The following SIRT2 variants were observed in gnomAD, a reference collection of about 807,000 sequenced individuals.
SIRT2 encodes the protein sirtuin 2.
A neutral mutation model predicts 57.4 loss-of-function variants in SIRT2; 40 were observed. The observed-to-expected ratio is 0.70, with a 90% CI of 0.54 to 0.91. The LOEUF (loss-of-function observed/expected upper bound fraction) is 0.91, where lower values mean the gene tolerates loss of function less well. SIRT2 is among the 40% of genes least tolerant of loss of function. The probability of loss-of-function intolerance (pLI) is 0.00; values close to 1 mark genes in which losing one functional copy is unlikely to be tolerated. For missense variants in SIRT2, 439 were observed against 510.4 expected (o/e 0.86, Z 1.35); for synonymous variants, 161 against 195.7 (o/e 0.82, Z 1.48).
At chr19:38,895,147 C>G (rs893473707) in intron 2 of SIRT2, among the ~76,000 whole-genome samples, 2 of 151,946 alleles carry the variant, frequency 1.3e-5, no homozygotes, top group African/African-American at 4.8e-5. Flanking sequence ...TCCACCAACC[C>G]CCTTTCCCTC....
chr19:38,882,142 G>T (rs535249842), intron 9 of SIRT2, among the ~76,000 whole-genome samples: 3 of 151,726 alleles, frequency 2.0e-5, no homozygotes, highest in South Asian at 2.1e-4. Flanking sequence ...TTAGCCTCCC[G>T]AGTAGCTGGG....
rs1003028481 is a variant in SIRT2, at chr19:38,880,998, G to A, written c.748-101C>T. On this transcript the variant is annotated intron_variant, in intron 11 of 15. Coordinates refer to ENST00000249396, the MANE Select transcript of SIRT2 (RefSeq NM_012237.4). This position sits in a 1 kb window ranked among gnomAD's most constrained non-coding sequence, Gnocchi z 4.1. Reference sequence around the variant, plus strand: ...ACCTCCCTGCCGCCCCCCATAGCTGGGGAGGTGACCTTTCCTGAGGCAGGG... The same window carrying A: ...ACCTCCCTGCCGCCCCCCATAGCTGAGGAGGTGACCTTTCCTGAGGCAGGG... 7 of 1,543,868 alleles carry A rather than the reference G, an allele frequency of 4.5e-6. No individual in the cohort carries two copies. In the African/African-American group the frequency reaches 8.2e-5, roughly 18 times the overall value.
At chr19:38,899,317 T>C (rs1973848053) in intron 1 of SIRT2, among the ~76,000 whole-genome samples, 189 bp downstream of exon 1, 1 of 152,128 alleles carries the variant, frequency 6.6e-6, no homozygotes, top group Non-Finnish European at 1.5e-5. Context: ...AAACGAACCC[T>C]GAACACACTG....
chr19:38,887,197 T>C (rs965186686), intron 8 of SIRT2, among the ~76,000 whole-genome samples: 2 of 152,194 alleles, frequency 1.3e-5, no homozygotes, highest in Non-Finnish European at 2.9e-5. Flanking sequence ...CTTAACTGTG[T>C]TCCAGGGACC....
rs74466015 is a variant in SIRT2 at position 38,885,962 on chromosome 19, T to A, written c.502-2206A>T. Among the ~76,000 whole-genome samples the A allele has an allele frequency of 2.2e-3, 330 of 152,266 alleles. 1 individual carries two copies. Among genetic ancestry groups the A allele is most frequent in the African/African-American group, 7.6e-3 (317 of 41,544 alleles). On this transcript the variant is annotated intron_variant, in intron 8 of 15. Coordinates refer to ENST00000249396, the MANE Select transcript of SIRT2 (RefSeq NM_012237.4). ...ATGTTCTTTTCTGCACAGACATTTGTGCGCGCTCATTTTTCTTAAAACAAC... is the reference window on the plus strand; with the variant it reads ...ATGTTCTTTTCTGCACAGACATTTGAGCGCGCTCATTTTTCTTAAAACAAC...
Position 38,881,436 on chromosome 19 carries a change from CT to C in SIRT2, c.686del (p.Lys229SerfsTer24). ...GGTCCCTGGCCAGAGGCTCACCAGG[CT>C]TCACCAGGCTCTGACAGTCTTCACA... ...PKCEDCQSLV[K>X]PDIVFFGESL... On this transcript the variant is annotated frameshift_variant, in exon 10 of 16. Coordinates refer to ENST00000249396, the MANE Select transcript of SIRT2 (RefSeq NM_012237.4). LOFTEE classifies it high-confidence loss of function. The C allele has an allele frequency of 1.2e-6, 2 of 1,614,058 alleles. No homozygotes were observed. The highest frequency in any genetic ancestry group is 1.7e-6 in the Non-Finnish European group (2 of 1,179,956).
Position 38,883,075 on chromosome 19 carries a change from GTT to G in SIRT2, c.631+550_631+551del, listed in dbSNP as rs61706756. Among the ~76,000 whole-genome samples the G allele has an allele frequency of 2.6e-3, 292 of 110,374 alleles. 1 individual carries two copies. The highest frequency in any genetic ancestry group is 0.01 in the African/African-American group (280 of 27,144). The allele number at this position is 110,374 out of a possible 152,430, so 72.4% of individuals were successfully genotyped here. On this transcript the variant is annotated intron_variant, in intron 9 of 15. Coordinates refer to ENST00000249396, the MANE Select transcript of SIRT2 (RefSeq NM_012237.4). ...CCATGAGTGGAATAAGTGACTTCTT[GTT>G]TTTTTTTTTTTTTTTTTTTTGAGAC...
chr19:38,885,758 T>C (rs972073959), intron 8 of SIRT2, among the ~76,000 whole-genome samples: 1 of 151,998 alleles, frequency 6.6e-6, no homozygotes, highest in African/African-American at 2.4e-5. Context: ...GCCTAGCTAA[T>C]TTTTGTATTT....
chr19:38,898,231 C>A, intron 2 of SIRT2, 148 bp downstream of exon 2: 1 of 476,222 alleles, frequency 2.1e-6, no homozygotes, highest in Non-Finnish European at 3.6e-6. Flanking sequence ...TCTGCCTTTC[C>A]CCAGAAAGCT....
intron 8 of SIRT2, among the ~76,000 whole-genome samples, chr19:38,887,702 G>A (rs145957256): frequency 1.3e-5 from 2 of 152,296 alleles, no homozygotes; most frequent in African/African-American, 4.8e-5. Context: ...TGCAGGTACA[G>A]GGAGAAAACA....
At chr19:38,883,801 C>T in intron 8 of SIRT2, 45 bp from the exon 9 acceptor site, 2 of 1,604,986 alleles carry the variant, frequency 1.2e-6, no homozygotes, top group South Asian at 2.2e-5. Context: ...GTGAGCCACC[C>T]CTTGTAGGCC....
chr19:38,883,553 G>C, intron 9 of SIRT2, 74 bp downstream of exon 9: 1 of 1,550,304 alleles, frequency 6.5e-7, no homozygotes, highest in Non-Finnish European at 8.8e-7. Context: ...AGGACAGAAT[G>C]GGTGCCCACT....
In SIRT2 at chr19:38,892,395, C is replaced by CAA. The variant is rs563077354; in HGVS notation, c.226+1017_226+1018dup. 5.2e-3 allele frequency among the ~76,000 whole-genome samples: 653 copies of CAA among 126,624 alleles called. 9 individuals are homozygous for CAA. The highest frequency in any genetic ancestry group is 0.018 in the African/African-American group (630 of 34,206). 83.1% of individuals were successfully genotyped at this position (126,624 alleles called of 152,430 possible). On this transcript the variant is annotated intron_variant, in intron 4 of 15. Transcript: ENST00000249396. ...TGGGCAACAGAGCAAGACTCCATCT[C>CAA]AAAAAAAAAAAAAGAAAAAGAAATA...
chr19:38,898,480 A>G, intron 1 of SIRT2, 55 bp from the exon 2 acceptor site: 2 of 1,142,592 alleles, frequency 1.8e-6, no homozygotes, highest in South Asian at 1.9e-5. Context: ...AGGGGGGAAT[A>G]AAGGGGTTCA....
chr19:38,892,494 C>T (rs536761658), intron 4 of SIRT2, among the ~76,000 whole-genome samples: 2 of 152,304 alleles, frequency 1.3e-5, no homozygotes, highest in African/African-American at 4.8e-5. Context: ...GTAATAACCA[C>T]GGCACACCCT....
chr19:38,885,251 A>C (rs146357749), intron 8 of SIRT2, among the ~76,000 whole-genome samples: 68 of 151,600 alleles, frequency 4.5e-4, no homozygotes, highest in African/African-American at 1.5e-3. Context: ...ATGCCCGGCT[A>C]ATTTTTTATC....
chr19:38,896,165 T>C (rs1973710975), intron 2 of SIRT2, among the ~76,000 whole-genome samples: 1 of 152,148 alleles, frequency 6.6e-6, no homozygotes, highest in Non-Finnish European at 1.5e-5. Flanking sequence ...AAACCTTGAT[T>C]ATACTCATGT....
Position 38,879,319 on chromosome 19 carries a change from G to A in SIRT2, c.1015-9C>T. ...AGGTCCTCCAGCTCCTTCTGCAGGA[G>A]CAAAGGTCACAGAAGTCAAAGGTCA... is the stretch of plus-strand genomic sequence containing the variant. On this transcript the variant is annotated splice_polypyrimidine_tract_variant and intron_variant, in intron 15 of 15. Coordinates refer to ENST00000249396, the MANE Select transcript of SIRT2 (RefSeq NM_012237.4). 6.2e-7 allele frequency: 1 copy of A among 1,613,450 alleles called. No individual in the cohort carries two copies. Among genetic ancestry groups the A allele is most frequent in the Non-Finnish European group, 8.5e-7 (1 of 1,179,876 alleles).
rs1276834610 is a variant in SIRT2, at chr19:38,894,881, T to C, written c.64-1014A>G. ...CTCTGCCTCGTCACTCATGATACCA[T>C]CTCTCTGCCCTCAGATCCGGGGTTC... On this transcript the variant is annotated intron_variant, in intron 2 of 15. Transcript: ENST00000249396. The C allele has an allele frequency of 6.6e-6, 3 of 456,088 alleles. No homozygotes were observed. The Admixed American group carries it at 7.0e-5, about 11-fold the overall frequency. 28.3% of individuals were successfully genotyped at this position (456,088 alleles called of 1,614,324 possible). A position where few individuals can be genotyped will look rare whatever the true frequency, so the allele number is the denominator to read the frequency against.
Sources: gnomAD v4.1 joint callset for allele counts (sites outside exome capture counted in the v4.1 genomes callset) on GRCh38, gnomAD v4.1.1 for gene constraint, Gnocchi (gnomAD v3.1) non-coding constraint, MANE v1.5 for transcripts, NCBI Gene and HGNC (gene_info 2026-07-23, HGNC 2026-07-21) for gene names.